Variants in IGSF10 observed in about 807,000 individuals in gnomAD.
The protein encoded by IGSF10 is immunoglobulin superfamily member 10.
IGSF10 carries 126 observed loss-of-function variants against 128.2 expected under a neutral mutation model. The ratio of observed to expected loss-of-function variants is 0.98; its 90% CI spans 0.85 to 1.14. The LOEUF is 1.14. IGSF10 is among the 50% of genes most tolerant of loss of function. The pLI, the probability that IGSF10 is intolerant of heterozygous loss-of-function variation, is 0.00. For synonymous variants in IGSF10, 1,185 were observed against 1,146.2 expected (o/e 1.03, Z -0.68); for missense variants, 3,295 against 3,149.8 (o/e 1.05, Z -1.10).
Position 151,446,712 on chromosome 3 carries a change from G to A in IGSF10, c.3269C>T (p.Pro1090Leu), listed in dbSNP as rs367677865. 7 of 1,614,160 alleles carry A rather than the reference G, an allele frequency of 4.3e-6. No homozygotes were observed. Among genetic ancestry groups the A allele is most frequent in the Non-Finnish European group, 5.1e-6 (6 of 1,180,028 alleles). The change falls in exon 6 of 8, where the codon CCC becomes CTC. Residue 1090 changes from proline to leucine, a missense_variant. Physicochemically the swap from Pro to Leu is moderately conservative, Grantham distance 98 (BLOSUM62 -3). Transcript: ENST00000282466. Reference sequence around the variant, plus strand: ...TGGGACTCTAGCAATGTCAGCTTTGGGGAAGGTGATGGGAGCAGCACTTGG... The same window carrying A: ...TGGGACTCTAGCAATGTCAGCTTTGAGGAAGGTGATGGGAGCAGCACTTGG... ...SFPSAAPITFPKADIARVPSE... is the reference protein window; with the variant it reads ...SFPSAAPITFLKADIARVPSE...
At chr3:151,488,701 CT>C in the IGSF10 span, among the ~76,000 whole-genome samples, 1 of 152,208 alleles carries the variant, frequency 6.6e-6, no homozygotes, top group East Asian at 1.9e-4. Context: ...TTTGACAAAC[CT>C]GACAAAAACA....
the IGSF10 span, among the ~76,000 whole-genome samples, chr3:151,481,404 G>A: frequency 6.6e-6 from 1 of 152,200 alleles, no homozygotes; most frequent in South Asian, 2.1e-4. Context: ...GCTGCACCTG[G>A]CCTCACAGAG....
At chr3:151,617,490 T>G in the IGSF10 span, among the ~76,000 whole-genome samples, 5 of 152,050 alleles carry the variant, frequency 3.3e-5, no homozygotes, top group South Asian at 1.0e-3. Context: ...TGGAAGTAGA[T>G]AACTTGTTTA....
the IGSF10 span, chr3:151,475,755 A>G: frequency 3.9e-5 from 6 of 152,436 alleles, no homozygotes; most frequent in Non-Finnish European, 8.8e-5. Flanking sequence ...TTCTTGCTCA[A>G]TTAAACTTCG....
the IGSF10 span, among the ~76,000 whole-genome samples, chr3:151,497,940 T>C: frequency 3.9e-5 from 6 of 152,358 alleles, no homozygotes; most frequent in East Asian, 1.9e-4. Flanking sequence ...TTTGAAGCAA[T>C]TGTGAATGAG....
the IGSF10 span, among the ~76,000 whole-genome samples, chr3:151,613,261 T>C: frequency 1.3e-5 from 2 of 152,206 alleles, no homozygotes; most frequent in South Asian, 2.1e-4. Flanking sequence ...AGGTAATTTA[T>C]AGATTCAATG....
chr3:151,525,565 C>T, the IGSF10 span, among the ~76,000 whole-genome samples: 3 of 151,914 alleles, frequency 2.0e-5, no homozygotes, highest in Admixed American at 6.6e-5. Context: ...CAGCTGCATT[C>T]TTACCTGAGG....
At chr3:151,536,894 CAGAA>C in the IGSF10 span, among the ~76,000 whole-genome samples, 12 of 152,104 alleles carry the variant, frequency 7.9e-5, no homozygotes, top group Non-Finnish European at 1.8e-4. Flanking sequence ...CTTTTAATAT[CAGAA>C]AGACACAGGC....
At chr3:151,469,089 T>C in the IGSF10 span, among the ~76,000 whole-genome samples, 1 of 152,382 alleles carries the variant, frequency 6.6e-6, no homozygotes, top group East Asian at 1.9e-4. Flanking sequence ...TATAGCTGCA[T>C]AGTATTTCAT....
chr3:151,457,958 A>AC (rs1427011818), intron 3 of IGSF10, among the ~76,000 whole-genome samples: 2 of 152,214 alleles, frequency 1.3e-5, no homozygotes, highest in East Asian at 3.8e-4. Flanking sequence ...AATGTCAAAT[A>AC]AACGATGCTA....
Position 151,437,575 on chromosome 3 carries a change from T to TCTAA in IGSF10, c.6982_6985dup (p.Glu2329ValfsTer13), listed in dbSNP as rs1720458108. ...CGGTCTTCTCAGCATTTCCAGTACT[T>TCTAA]CTAACTGTACTACCAACACGCTCTC... On this transcript the variant is annotated frameshift_variant, in exon 8 of 8. Transcript: ENST00000282466. LOFTEE classifies it low-confidence loss of function (END_TRUNC). 1 of 1,614,178 alleles carries TCTAA rather than the reference T, an allele frequency of 6.2e-7. No individual in the cohort carries two copies. The highest frequency in any genetic ancestry group is 1.1e-5 in the South Asian group (1 of 91,088).
At chr3:151,573,763 C>T in the IGSF10 span, among the ~76,000 whole-genome samples, 1 of 152,160 alleles carries the variant, frequency 6.6e-6, no homozygotes, top group Non-Finnish European at 1.5e-5. Flanking sequence ...GAATTTGATC[C>T]TGTCATTATG....
chr3:151,588,069 G>A, the IGSF10 span, among the ~76,000 whole-genome samples: 10 of 152,316 alleles, frequency 6.6e-5, no homozygotes, highest in Admixed American at 5.9e-4. Context: ...TGAATTAAGT[G>A]AGGTATGAAA....
the IGSF10 span, among the ~76,000 whole-genome samples, chr3:151,496,545 A>C: frequency 1.2e-5 from 1 of 83,892 alleles, no homozygotes; most frequent in Non-Finnish European, 2.3e-5. Flanking sequence ...ATGGCTGCAT[A>C]GTATTCCATG....
the IGSF10 span, among the ~76,000 whole-genome samples, chr3:151,596,250 G>C: frequency 1.3e-5 from 2 of 152,092 alleles, no homozygotes; most frequent in South Asian, 2.1e-4. Context: ...CATGGGAGCA[G>C]GCATATCACT....
downstream of IGSF10, chr3:151,434,432 C>T (rs1271098158): frequency 6.6e-6 from 1 of 152,194 alleles, no homozygotes; most frequent in Non-Finnish European, 1.5e-5. Flanking sequence ...CCAGCCTGCC[C>T]ATTTTGTGTT....
At chr3:151,507,017 T>C in the IGSF10 span, among the ~76,000 whole-genome samples, 1 of 152,236 alleles carries the variant, frequency 6.6e-6, no homozygotes, top group Non-Finnish European at 1.5e-5. Flanking sequence ...CTTGCTTGAT[T>C]TGACTGTGAG....
chr3:151,447,060 G>T lies in IGSF10; in HGVS notation c.2921C>A (p.Thr974Asn), dbSNP rs138871776. The change falls in exon 6 of 8, where the codon ACT becomes AAT. Residue 974 changes from threonine to asparagine, a missense_variant. By Grantham distance (65) the Thr-to-Asn change is moderately conservative (BLOSUM62 0). Coordinates refer to ENST00000282466, the MANE Select transcript of IGSF10 (RefSeq NM_178822.5). ...PRHNHFYSHT[T>N]QILSTSTFPS... ...GAACGTGGAGGTGCTAAGTATTTGA[G>T]TAGTGTGAGAATAGAAGTGATTGTG... 32 of 1,614,026 alleles carry T rather than the reference G, an allele frequency of 2.0e-5. No individual in the cohort carries two copies. The African/African-American group carries it at 4.0e-4, about 20-fold the overall frequency.
chr3:151,470,841 C>T, the IGSF10 span, among the ~76,000 whole-genome samples: 2 of 152,172 alleles, frequency 1.3e-5, no homozygotes, highest in African/African-American at 4.8e-5. Context: ...TGTGTAAAGT[C>T]TATTAAATTC....
Sources: allele counts gnomAD v4.1 joint callset (sites outside exome capture counted in the v4.1 genomes callset), GRCh38; gene constraint gnomAD v4.1.1; transcripts MANE v1.5; gene names NCBI Gene and HGNC (gene_info 2026-07-23, HGNC 2026-07-21).